TJP1: variants seen among roughly 807,000 people sequenced by gnomAD.
The protein encoded by TJP1 is tight junction protein 1, also known as tight junction protein ZO-1.
Under a neutral mutation model 194.2 loss-of-function variants are expected in TJP1, and 43 were observed. The ratio of observed to expected loss-of-function variants is 0.22; its 90% CI spans 0.17 to 0.29. The LOEUF (loss-of-function observed/expected upper bound fraction) is 0.29. Ranked by LOEUF, TJP1 falls within the 10% of genes least tolerant of loss-of-function variation. The pLI, the probability that TJP1 is intolerant of heterozygous loss-of-function variation, is 1.00. For synonymous variants in TJP1, 801 were observed against 779.0 expected (o/e 1.03, Z -0.47); for missense variants, 1,971 against 2,185.7 (o/e 0.90, Z 1.96).
exon 2 of TJP1, chr15:29,956,301 A>G (rs1300799798): frequency 7.0e-6 from 9 of 1,289,122 alleles, no homozygotes; most frequent in South Asian, 1.2e-5. Context: ...TTCGTCTTAA[A>G]GAGGGTTTTC....
intron 2 of TJP1, among the ~76,000 whole-genome samples, chr15:29,842,377 T>C (rs1401767260): frequency 1.3e-5 from 2 of 152,180 alleles, no homozygotes; most frequent in Non-Finnish European, 2.9e-5. Context: ...GAATAATTAA[T>C]TGAGTCTGCC....
rs575790944 is a variant in TJP1 at position 29,877,340 on chromosome 15, C to T, written c.307-76638G>A. On this transcript the variant is annotated intron_variant, in intron 2 of 28. Coordinates refer to the TJP1 transcript ENST00000356107. ...TGAGAGATCCTCCTGCTTCGGGGTCCTGAGTAGCTGCGACTGCAGATGTGC... is the reference window on the plus strand; with the variant it reads ...TGAGAGATCCTCCTGCTTCGGGGTCTTGAGTAGCTGCGACTGCAGATGTGC... Among the ~76,000 whole-genome samples the T allele has an allele frequency of 4.8e-4, 73 of 152,300 alleles. 1 individual carries two copies. Among genetic ancestry groups the T allele is most frequent in the African/African-American group, 1.8e-3 (73 of 41,568 alleles).
chr15:29,718,415 G>A lies in TJP1; in HGVS notation c.3727C>T (p.Pro1243Ser), dbSNP rs1410853993. Residue 1243 changes from proline to serine, a missense_variant, in exon 21 of 28, where the codon CCA becomes TCA. Pro to Ser is a moderately conservative substitution (Grantham distance 74). Transcript: ENST00000614355. ...KPEALPSNTK[P>S]LPPPPTQTEE... is the part of the protein sequence containing the mutation. ...GTTTGAGTTGGGGGTGGAGGCAGTG[G>A]TTTGGTGTTTGAAGGCAGAGCTTCT... is the stretch of plus-strand genomic sequence containing the variant. 6.2e-7 allele frequency: 1 copy of A among 1,614,194 alleles called. No homozygotes were observed. Among genetic ancestry groups the A allele is most frequent in the Non-Finnish European group, 8.5e-7 (1 of 1,180,040 alleles).
At position 29,822,104 on chromosome 15, in the gene TJP1, C is replaced by T. The variant is rs2050425586; in HGVS notation, c.-76G>A. 5 of 1,233,700 alleles carry T rather than the reference C, an allele frequency of 4.1e-6. No homozygotes were observed. The East Asian group carries it at 1.6e-4, about 40-fold the overall frequency. The allele number at this position is 1,233,700 out of a possible 1,614,324, so 76.4% of individuals were successfully genotyped here. A position where few individuals can be genotyped will look rare whatever the true frequency, so the allele number is the denominator to read the frequency against. ...GCGCTGGCCCGCCCGCTCCTCACGC[C>T]ACAGCCCAAATAAACATCTCCCGAG... On this transcript the variant is annotated 5_prime_UTR_variant, in exon 1 of 28. Coordinates refer to ENST00000614355, the MANE Select transcript of TJP1 (RefSeq NM_001330239.4).
chr15:29,705,434 G>A (rs1414753406), intron 26 of TJP1, 94 bp downstream of exon 26: 5 of 1,272,074 alleles, frequency 3.9e-6, no homozygotes, highest in Non-Finnish European at 5.5e-6. Flanking sequence ...AGATAGAGAG[G>A]TGCTGCATTA....
At chr15:29,847,656 G>A (rs867062692) in intron 2 of TJP1, among the ~76,000 whole-genome samples, 28 of 152,198 alleles carry the variant, frequency 1.8e-4, no homozygotes, top group African/African-American at 4.3e-4. Context: ...GAGGTGGTGC[G>A]TGCCTGTAGT....
intron 2 of TJP1, among the ~76,000 whole-genome samples, chr15:29,846,063 A>C (rs893062297): frequency 3.9e-5 from 6 of 151,922 alleles, no homozygotes; most frequent in Non-Finnish European, 1.5e-5. Flanking sequence ...CCTCCTAACC[A>C]CACACACTTA....
intron 8 of TJP1, among the ~76,000 whole-genome samples, chr15:29,745,558 C>T (rs1202918636): frequency 6.6e-6 from 1 of 152,138 alleles, no homozygotes; most frequent in Non-Finnish European, 1.5e-5. Context: ...AAAACTTTTA[C>T]TTGCACAGGA....
At chr15:29,831,014 T>C (rs1186197710) in intron 2 of TJP1, among the ~76,000 whole-genome samples, 1 of 152,046 alleles carries the variant, frequency 6.6e-6, no homozygotes, top group Non-Finnish European at 1.5e-5. Flanking sequence ...AAACCCTGAA[T>C]ATCTAAAACC....
chr15:29,734,376 T>G lies in TJP1; in HGVS notation c.1414A>C (p.Asn472His). Reference protein sequence around the residue: ...EEGDQILRVNNVDFTNIIREE... With the variant: ...EEGDQILRVNHVDFTNIIREE... ...CTTATGATATTTGTAAAATCTACGT[T>G]GTTTACCTAATAAATAAGATTTCAT... Residue 472 changes from asparagine to histidine, a missense_variant, in exon 12 of 28, where the codon AAC becomes CAC. This residue lies in a region of TJP1 where 402 missense variants were observed against 484.2 expected (regional missense o/e 0.83). Coordinates refer to ENST00000614355, the MANE Select transcript of TJP1 (RefSeq NM_001330239.4). 5 of 1,607,350 alleles carry G rather than the reference T, an allele frequency of 3.1e-6. No homozygotes were observed. The highest frequency in any genetic ancestry group is 3.4e-6 in the Non-Finnish European group (4 of 1,175,424).
intron 2 of TJP1, among the ~76,000 whole-genome samples, chr15:29,931,961 T>C (rs546609704): frequency 6.6e-5 from 10 of 152,302 alleles, no homozygotes; most frequent in African/African-American, 2.4e-4. Flanking sequence ...CTGTAAATTG[T>C]CATGGTGCTG....
At chr15:29,852,563 A>C (rs879943772) in intron 2 of TJP1, among the ~76,000 whole-genome samples, 4 of 152,190 alleles carry the variant, frequency 2.6e-5, no homozygotes, top group Non-Finnish European at 4.4e-5. Flanking sequence ...AAAATCCAAA[A>C]CACGCAATTA....
intron 8 of TJP1, among the ~76,000 whole-genome samples, chr15:29,746,297 G>A (rs1020215429): frequency 4.6e-5 from 7 of 151,906 alleles, no homozygotes; most frequent in African/African-American, 1.7e-4. Context: ...AGAATGGCGT[G>A]AACCCGGGAG....
intron 2 of TJP1, among the ~76,000 whole-genome samples, chr15:29,835,225 A>G (rs2050986840): frequency 6.6e-6 from 1 of 152,206 alleles, no homozygotes; most frequent in Non-Finnish European, 1.5e-5. Context: ...AAAACTATAT[A>G]TTAATACTTT....
chr15:29,907,721 T>A (rs2053863272), intron 2 of TJP1, among the ~76,000 whole-genome samples: 1 of 152,126 alleles, frequency 6.6e-6, no homozygotes, highest in South Asian at 2.1e-4. Context: ...TTTGTTGTTT[T>A]AACTTACCCA....
chr15:29,872,305 A>T (rs2052554582), intron 2 of TJP1, among the ~76,000 whole-genome samples: 1 of 152,222 alleles, frequency 6.6e-6, no homozygotes, highest in Non-Finnish European at 1.5e-5. Flanking sequence ...TAGATTTGTC[A>T]TCTTATATTT....
At chr15:29,728,707 G>A (rs556769791) in intron 15 of TJP1, 3 of 152,370 alleles carry the variant, frequency 2.0e-5, no homozygotes, top group Non-Finnish European at 4.4e-5. Flanking sequence ...AGGAAAGTTT[G>A]AAAGGAAAGG....
intron 2 of TJP1, among the ~76,000 whole-genome samples, chr15:29,797,473 AT>A (rs1462585122): frequency 6.6e-6 from 1 of 152,100 alleles, no homozygotes; most frequent in African/African-American, 2.4e-5. Context: ...AACTTAAAGC[AT>A]GTACTGCAAA....
At chr15:29,942,236 A>C (rs1475713665) in intron 2 of TJP1, among the ~76,000 whole-genome samples, 1 of 152,218 alleles carries the variant, frequency 6.6e-6, no homozygotes, top group Non-Finnish European at 1.5e-5. Context: ...CTCCCGAACT[A>C]GCAGTTGCTA....
Sources: allele counts gnomAD v4.1 joint callset (sites outside exome capture counted in the v4.1 genomes callset), GRCh38; gene constraint gnomAD v4.1.1; regional missense constraint gnomAD v4.1.1; transcripts MANE v1.5; gene names NCBI Gene and HGNC (gene_info 2026-07-23, HGNC 2026-07-21).